ITGA4: variants seen among roughly 807,000 people sequenced by gnomAD.
The protein encoded by ITGA4 is integrin subunit alpha 4, also known as integrin alpha-4.
ITGA4 carries 63 observed loss-of-function variants against 133.6 expected under a neutral mutation model. That is an observed-to-expected ratio of 0.47 (90% CI 0.38 to 0.58). The LOEUF (loss-of-function observed/expected upper bound fraction) is 0.58. ITGA4 is among the 20% of genes least tolerant of loss of function. The pLI is 0.00. For synonymous variants in ITGA4, 483 were observed against 438.0 expected (o/e 1.10, Z -1.28); for missense variants, 1,076 against 1,252.7 (o/e 0.86, Z 2.13).
At chr2:181,498,834 A>G in intron 15 of ITGA4, 57 bp downstream of exon 15, 1 of 1,517,176 alleles carries the variant, frequency 6.6e-7, no homozygotes, top group South Asian at 1.3e-5. Context: ...GTTGATAGAG[A>G]GCAACTTATT....
At chr2:181,526,807 T>TCAGAG (rs1274061906) in intron 21 of ITGA4, among the ~76,000 whole-genome samples, 1 of 136,992 alleles carries the variant, frequency 7.3e-6, no homozygotes, top group Non-Finnish European at 1.6e-5. Flanking sequence ...GTCACCCAGG[T>TCAGAG]CAGAGCACAT....
rs972243538 is a variant in ITGA4, at chr2:181,538,130, A to G, written c.*2603A>G. The G allele has an allele frequency of 3.0e-5, 37 of 1,248,858 alleles. No individual in the cohort carries two copies. Among genetic ancestry groups the G allele is most frequent in the Non-Finnish European group, 4.1e-5 (35 of 854,582 alleles). The allele number at this position is 1,248,858 out of a possible 1,614,324, so 77.4% of individuals were successfully genotyped here. ...GACCACAGGTTTAAAGCATGGCCAC[A>G]TTTCTTTATATTAAAATTCTAGTTT... On this transcript the variant is annotated 3_prime_UTR_variant, in exon 28 of 28. Transcript: ENST00000397033.
chr2:181,485,606 T>C (rs897383208), intron 9 of ITGA4, among the ~76,000 whole-genome samples: 28 of 152,206 alleles, frequency 1.8e-4, no homozygotes, highest in Non-Finnish European at 4.4e-5. Context: ...ATTTGCTAAA[T>C]TGAATTATCA....
At chr2:181,532,779 T>G (rs1048967723) in intron 25 of ITGA4, among the ~76,000 whole-genome samples, 1 of 152,204 alleles carries the variant, frequency 6.6e-6, no homozygotes, top group African/African-American at 2.4e-5. Context: ...CAATACTGTG[T>G]TGAATAGGAG....
chr2:181,487,839 C>T (rs908433264), intron 10 of ITGA4, among the ~76,000 whole-genome samples: 7 of 152,104 alleles, frequency 4.6e-5, no homozygotes, highest in East Asian at 1.9e-4. Flanking sequence ...AGCCTTATTT[C>T]GTGGCAAGTT....
At chr2:181,515,748 T>C (rs1686591354) in intron 17 of ITGA4, among the ~76,000 whole-genome samples, 1 of 152,106 alleles carries the variant, frequency 6.6e-6, no homozygotes, top group South Asian at 2.1e-4. Flanking sequence ...TTTTGGTAAA[T>C]TATACTCTAT....
At chr2:181,511,799 T>C (rs767130512) in intron 17 of ITGA4, 24 bp downstream of exon 17, 7 of 1,162,268 alleles carry the variant, frequency 6.0e-6, no homozygotes, top group Admixed American at 5.3e-5. Context: ...GTATATAGTC[T>C]CTGTTATTCA....
chr2:181,484,831 T>A (rs1485295802), intron 9 of ITGA4, among the ~76,000 whole-genome samples: 1 of 152,146 alleles, frequency 6.6e-6, no homozygotes, highest in Non-Finnish European at 1.5e-5. Context: ...GGAAGTAGTG[T>A]TTGAGAAAGA....
intron 25 of ITGA4, among the ~76,000 whole-genome samples, chr2:181,533,145 T>C (rs1321836304): frequency 6.6e-6 from 1 of 152,086 alleles, no homozygotes; most frequent in Non-Finnish European, 1.5e-5. Context: ...ATGAAACTAG[T>C]TTTATGTGGA....
rs771811783 is a variant in ITGA4, at chr2:181,511,630, T to A, written c.1846-69T>A. 225 of 804,090 alleles carry A rather than the reference T, an allele frequency of 2.8e-4. 1 individual carries two copies. Among genetic ancestry groups the A allele is most frequent in the South Asian group, 1.8e-3 (113 of 61,966 alleles). 49.8% of individuals were successfully genotyped at this position (804,090 alleles called of 1,614,324 possible). A position where few individuals can be genotyped will look rare whatever the true frequency, so the allele number is the denominator to read the frequency against. The stretch of plus-strand genomic sequence containing the variant: ...TTCTCATGCATCACAGGTGTCGTCA[T>A]CTTTAAAATATATATAAATATACTT... On this transcript the variant is annotated intron_variant, in intron 16 of 27. Transcript: ENST00000397033.
intron 15 of ITGA4, among the ~76,000 whole-genome samples, chr2:181,509,135 TAAAAAAAAAAAAAAAAAAAAAAAA>T (rs57180154): frequency 1.6e-4 from 7 of 44,640 alleles, no homozygotes; most frequent in African/African-American, 6.1e-4. Flanking sequence ...TCCCATCTCT[TAAAAAAAAAAAAAAAAAAAAAAAA>T]AAAAAAAAAA....
In ITGA4 at chr2:181,536,785, TTATTTTATGCTTATGATCTAGA is replaced by T; in HGVS notation, c.*1261_*1282del. 4.1e-6 allele frequency: 1 copy of T among 246,582 alleles called. No homozygotes were observed. Among genetic ancestry groups the T allele is most frequent in the Admixed American group, 5.1e-5 (1 of 19,632 alleles). The allele number at this position is 246,582 out of a possible 1,614,324, so 15.3% of individuals were successfully genotyped here. A position where few individuals can be genotyped will look rare whatever the true frequency, so the allele number is the denominator to read the frequency against. Reference sequence around the variant, plus strand: ...TTAAATACAATCATTTTTGTAATATTTATTTTATGCTTATGATCTAGATAATTGCAGAATATCATTTTATCTG... The same window carrying T: ...TTAAATACAATCATTTTTGTAATATTTAATTGCAGAATATCATTTTATCTG... On this transcript the variant is annotated 3_prime_UTR_variant, in exon 28 of 28. Transcript: ENST00000397033.
rs1685665122 is a variant in ITGA4, at chr2:181,475,954, T to A, written c.556+666T>A. On this transcript the variant is annotated intron_variant, in intron 4 of 27. Coordinates refer to ENST00000397033, the MANE Select transcript of ITGA4 (RefSeq NM_000885.6). ...GCGTCTTTAGGAGCTAAGAAACATA[T>A]GAATGCAAATTCATAATTTTCTAAC... The A allele has an allele frequency of 2.9e-6, 4 of 1,357,722 alleles. No homozygotes were observed. In the South Asian group the frequency reaches 7.1e-5, roughly 24 times the overall value. The allele number at this position is 1,357,722 out of a possible 1,614,324, so 84.1% of individuals were successfully genotyped here.
intron 2 of ITGA4, among the ~76,000 whole-genome samples, chr2:181,468,654 G>T (rs1259508586): frequency 6.6e-6 from 1 of 152,062 alleles, no homozygotes; most frequent in South Asian, 2.1e-4. Flanking sequence ...AACTAGCTTT[G>T]TAGTATTTCT....
Position 181,458,327 on chromosome 2 carries a change from G to T in ITGA4, c.319+10G>T. 6.2e-7 allele frequency: 1 copy of T among 1,609,162 alleles called. No homozygotes were observed. Among genetic ancestry groups the T allele is most frequent in the South Asian group, 1.1e-5 (1 of 89,884 alleles). On this transcript the variant is annotated intron_variant, in intron 2 of 27. Coordinates refer to ENST00000397033, the MANE Select transcript of ITGA4 (RefSeq NM_000885.6). ...GAACAGCTCCAGCTGGGTGAGTTGG[G>T]TATGGGACCAGGAGTTAGTGACCTC...
Position 181,523,395 on chromosome 2 carries a change from T to C in ITGA4, c.2074-42T>C. On this transcript the variant is annotated intron_variant, in intron 18 of 27. Coordinates refer to ENST00000397033, the MANE Select transcript of ITGA4 (RefSeq NM_000885.6). This position sits in a 1 kb window ranked among gnomAD's most constrained non-coding sequence, Gnocchi z 4.2. ...TTAAACATATGTTACAAACTTTTTA[T>C]TTCCTTCCTGTCCAAAACAGTTGTT... The C allele has an allele frequency of 8.4e-7, 1 of 1,191,554 alleles. No individual in the cohort carries two copies. The highest frequency in any genetic ancestry group is 1.2e-5 in the South Asian group (1 of 82,166). 73.8% of individuals were successfully genotyped at this position (1,191,554 alleles called of 1,614,324 possible).
intron 15 of ITGA4, among the ~76,000 whole-genome samples, chr2:181,499,894 G>A (rs1270729589): frequency 6.6e-6 from 1 of 152,142 alleles, no homozygotes; most frequent in African/African-American, 2.4e-5. Flanking sequence ...AATACATTGT[G>A]TTAAATTTGT....
intron 4 of ITGA4, among the ~76,000 whole-genome samples, chr2:181,476,379 G>A (rs1369590161): frequency 3.9e-5 from 6 of 152,090 alleles, no homozygotes; most frequent in Non-Finnish European, 8.8e-5. Flanking sequence ...ACAGGATCAG[G>A]TAAGATATAT....
At chr2:181,468,575 C>T (rs1005442826) in intron 2 of ITGA4, among the ~76,000 whole-genome samples, 2 of 152,042 alleles carry the variant, frequency 1.3e-5, no homozygotes, top group Non-Finnish European at 2.9e-5. Flanking sequence ...CCCTGTCACA[C>T]TTGGAGCAAT....
Sources: gnomAD v4.1 joint callset for allele counts (sites outside exome capture counted in the v4.1 genomes callset) on GRCh38, gnomAD v4.1.1 for gene constraint, Gnocchi (gnomAD v3.1) non-coding constraint, MANE v1.5 for transcripts, NCBI Gene and HGNC (gene_info 2026-07-23, HGNC 2026-07-21) for gene names.